The following PTCHD4 variants were observed in gnomAD, a reference collection of about 807,000 sequenced individuals.
The protein encoded by PTCHD4 is patched domain-containing protein 4.
In PTCHD4, 33 loss-of-function variants were observed where a neutral mutation model predicts 58.1. That is an observed-to-expected ratio of 0.57 (90% CI 0.43 to 0.76). The LOEUF is 0.76. PTCHD4 is among the 30% of genes least tolerant of loss of function. PTCHD4 has a pLI of 0.00. For synonymous variants in PTCHD4, 478 were observed against 409.6 expected (o/e 1.17, Z -2.02); for missense variants, 1,058 against 1,027.1 (o/e 1.03, Z -0.41).
At chr6:47,963,769 T>A (rs185632965) in intron 4 of PTCHD4, among the ~76,000 whole-genome samples, 47 of 152,320 alleles carry the variant, frequency 3.1e-4, no homozygotes, top group Admixed American at 1.4e-3. Flanking sequence ...GCTGATTTTT[T>A]AATCGTTACA....
At chr6:48,108,695 C>G (rs998756037) in intron 1 of PTCHD4, among the ~76,000 whole-genome samples, 1 of 151,940 alleles carries the variant, frequency 6.6e-6, no homozygotes, top group Non-Finnish European at 1.5e-5. Context: ...ATAGCCTTAT[C>G]TGCAATGAAA....
chr6:47,947,885 T>C (rs559530202), intron 4 of PTCHD4, among the ~76,000 whole-genome samples: 7 of 152,314 alleles, frequency 4.6e-5, no homozygotes, highest in African/African-American at 1.7e-4. Context: ...GTTCTTTCCA[T>C]CTGGGACTAT....
At position 48,009,128 on chromosome 6, in the gene PTCHD4, AAAG is replaced by A; in HGVS notation, c.418-17_418-15del. 1 of 1,586,192 alleles carries A rather than the reference AAAG, an allele frequency of 6.3e-7. No homozygotes were observed. On this transcript the variant is annotated splice_polypyrimidine_tract_variant and intron_variant, in intron 3 of 4. Coordinates refer to ENST00000339488, the MANE Select transcript of PTCHD4 (RefSeq NM_001384253.1). ...GTTCCTCCCATCCTTGAAAACAGAAAAAGAAGAGACTTCAGTTACGGATGTATA... is the reference window on the plus strand; with the variant it reads ...GTTCCTCCCATCCTTGAAAACAGAAAAAGAGACTTCAGTTACGGATGTATA...
At chr6:48,101,016 CTA>C (rs1161068966) in intron 1 of PTCHD4, among the ~76,000 whole-genome samples, 1 of 151,412 alleles carries the variant, frequency 6.6e-6, no homozygotes, top group African/African-American at 2.4e-5. Context: ...ATAAATTTTT[CTA>C]TGACAGAGAT....
intron 3 of PTCHD4, among the ~76,000 whole-genome samples, chr6:48,023,778 G>A (rs1582037526): frequency 6.6e-6 from 1 of 152,080 alleles, no homozygotes; most frequent in Non-Finnish European, 1.5e-5. Context: ...CAAAACTTTA[G>A]CATAGAGAAT....
intron 4 of PTCHD4, among the ~76,000 whole-genome samples, chr6:47,934,300 A>G (rs1476409676): frequency 6.6e-6 from 1 of 151,932 alleles, no homozygotes; most frequent in African/African-American, 2.4e-5. Context: ...CTTCCTTTTC[A>G]CCCAGTAAAA....
intron 4 of PTCHD4, among the ~76,000 whole-genome samples, chr6:47,904,441 C>T (rs1366870531): frequency 6.6e-6 from 1 of 152,172 alleles, no homozygotes; most frequent in Admixed American, 6.5e-5. Flanking sequence ...TTTCCCCCTA[C>T]AATAGCAGAG....
Position 47,989,719 on chromosome 6 carries a change from C to T in PTCHD4, c.898+18915G>A, listed in dbSNP as rs369703346. On this transcript the variant is annotated intron_variant, in intron 4 of 4. Transcript: ENST00000339488. ...AGGTTTCGGAAGATGTATGGAAACA[C>T]CTGGATGCCCAGGCAAAAGTTTGCT... Among the ~76,000 whole-genome samples, 172 of 152,316 alleles carry T rather than the reference C, an allele frequency of 1.1e-3. 1 individual carries two copies. The South Asian group carries it at 0.033, about 29-fold the overall frequency.
chr6:47,863,890 G>A lies in PTCHD4; in HGVS notation c.*14413C>T, dbSNP rs768313276. On this transcript the variant is annotated 3_prime_UTR_variant, in exon 5 of 5. Coordinates refer to ENST00000339488, the MANE Select transcript of PTCHD4 (RefSeq NM_001384253.1). ...GTCTTCTAGATGAGTTCTACCAACA[G>A]GTAGACTTGTCAGATATGGCCTTAG... is the stretch of plus-strand genomic sequence containing the variant. Among the ~76,000 whole-genome samples, 1 of 151,970 alleles carries A rather than the reference G, an allele frequency of 6.6e-6. No homozygotes were observed. Among genetic ancestry groups the A allele is most frequent in the Non-Finnish European group, 1.5e-5 (1 of 67,936 alleles).
chr6:47,957,743 G>A (rs1384755388), intron 4 of PTCHD4, among the ~76,000 whole-genome samples: 2 of 151,462 alleles, frequency 1.3e-5, no homozygotes, highest in Non-Finnish European at 2.9e-5. Context: ...TGGGACTATA[G>A]GTGCCCACCA....
At chr6:47,945,578 G>A (rs546066485) in intron 4 of PTCHD4, among the ~76,000 whole-genome samples, 14 of 151,864 alleles carry the variant, frequency 9.2e-5, no homozygotes, top group South Asian at 2.1e-4. Flanking sequence ...ATCATTCTGC[G>A]TGTTATTTTC....
chr6:48,059,470 C>A (rs1764538154), intron 3 of PTCHD4, among the ~76,000 whole-genome samples: 1 of 151,980 alleles, frequency 6.6e-6, no homozygotes, highest in African/African-American at 2.4e-5. Context: ...GAAACCCTGT[C>A]TCTACTAAAA....
intron 4 of PTCHD4, among the ~76,000 whole-genome samples, chr6:47,927,100 G>C (rs1765649427): frequency 6.6e-6 from 1 of 152,168 alleles, no homozygotes; most frequent in South Asian, 2.1e-4. Flanking sequence ...AAGTTCTCTA[G>C]GCATTGGAAG....
In PTCHD4 at chr6:48,068,318, C is replaced by T. The variant is rs1261630645; in HGVS notation, c.329G>A (p.Arg110Lys). The T allele has an allele frequency of 6.2e-7, 1 of 1,613,536 alleles. No individual in the cohort carries two copies. The highest frequency in any genetic ancestry group is 1.3e-5 in the African/African-American group (1 of 75,036). The change falls in exon 3 of 5, where the codon AGG becomes AAG. Residue 110 changes from arginine to lysine, a missense_variant. By Grantham distance (26) the Arg-to-Lys change is conservative. Coordinates refer to ENST00000339488, the MANE Select transcript of PTCHD4 (RefSeq NM_001384253.1). This position sits in a 1 kb window ranked among gnomAD's most constrained non-coding sequence, Gnocchi z 4.2. ...SDLHTPGRYG[R>K]VILLSPTGDN... Reference sequence around the variant, plus strand: ...CCCGGTTGGGGAGAGGAGGATCACCCTGCCATACCTCCCAGGGGTGTGTAA... The same window carrying T: ...CCCGGTTGGGGAGAGGAGGATCACCTTGCCATACCTCCCAGGGGTGTGTAA...
At chr6:47,911,816 T>G (rs1373538609) in intron 4 of PTCHD4, among the ~76,000 whole-genome samples, 1 of 152,008 alleles carries the variant, frequency 6.6e-6, no homozygotes, top group Non-Finnish European at 1.5e-5. Flanking sequence ...TGGGAATCAT[T>G]CATGTATAGA....
rs957313422 is a variant in PTCHD4, at chr6:47,862,678, T to C, written c.*15625A>G. 4.6e-5 allele frequency among the ~76,000 whole-genome samples: 7 copies of C among 151,860 alleles called. No homozygotes were observed. Among genetic ancestry groups the C allele is most frequent in the Non-Finnish European group, 8.8e-5 (6 of 67,852 alleles). ...CTGATGAATCATTTTTCCTTAAGTA[T>C]TCTTTTCTTCTATTAGGTTATAAAT... On this transcript the variant is annotated 3_prime_UTR_variant, in exon 5 of 5. Coordinates refer to ENST00000339488, the MANE Select transcript of PTCHD4 (RefSeq NM_001384253.1).
At chr6:47,930,842 G>A (rs1420707565) in intron 4 of PTCHD4, among the ~76,000 whole-genome samples, 2 of 152,154 alleles carry the variant, frequency 1.3e-5, no homozygotes, top group African/African-American at 4.8e-5. Flanking sequence ...TGCCCAGGCT[G>A]GAGGGCAGTG....
intron 4 of PTCHD4, among the ~76,000 whole-genome samples, chr6:47,885,751 T>C (rs750438337): frequency 3.9e-5 from 6 of 152,340 alleles, no homozygotes; most frequent in African/African-American, 7.2e-5. Context: ...AGCTTCCATA[T>C]TGTAATTGCA....
Position 47,872,468 on chromosome 6 carries a change from T to C in PTCHD4, c.*5835A>G, listed in dbSNP as rs920885932. Among the ~76,000 whole-genome samples, 1 of 151,648 alleles carries C rather than the reference T, an allele frequency of 6.6e-6. No individual in the cohort carries two copies. Among genetic ancestry groups the C allele is most frequent in the Admixed American group, 6.6e-5 (1 of 15,174 alleles). On this transcript the variant is annotated 3_prime_UTR_variant, in exon 5 of 5. Transcript: ENST00000339488. ...TGGGAAACCAGAGCTCAGCTACAAATGGCTTCTAAAAACCTCAGCTCAGAT... is the reference window on the plus strand; with the variant it reads ...TGGGAAACCAGAGCTCAGCTACAAACGGCTTCTAAAAACCTCAGCTCAGAT...
Sources: gnomAD v4.1 joint callset for allele counts (sites outside exome capture counted in the v4.1 genomes callset) on GRCh38, gnomAD v4.1.1 for gene constraint, Gnocchi (gnomAD v3.1) non-coding constraint, MANE v1.5 for transcripts, NCBI Gene and HGNC (gene_info 2026-07-23, HGNC 2026-07-21) for gene names.